LRP1B: variants seen among roughly 807,000 people sequenced by gnomAD.
LRP1B encodes the protein low-density lipoprotein receptor-related protein 1B.
LRP1B carries 217 observed loss-of-function variants against 556.6 expected under a neutral mutation model. The ratio of observed to expected loss-of-function variants is 0.39; its 90% CI spans 0.35 to 0.44. The LOEUF (loss-of-function observed/expected upper bound fraction) is 0.44. LRP1B is among the 20% of genes least tolerant of loss of function. The pLI, the probability that LRP1B is intolerant of heterozygous loss-of-function variation, is 1.00. For missense variants in LRP1B, 5,053 were observed against 5,620.8 expected (o/e 0.90, Z 3.23); for synonymous variants, 2,047 against 1,865.8 (o/e 1.10, Z -2.50).
chr2:141,762,952 A>G (rs1331799812), intron 2 of LRP1B, among the ~76,000 whole-genome samples: 2 of 152,228 alleles, frequency 1.3e-5, no homozygotes, highest in Non-Finnish European at 2.9e-5. Flanking sequence ...ATTAGCCCCA[A>G]ATTGCTATGA....
chr2:141,229,126 G>A (rs529036252), intron 6 of LRP1B, 57 bp downstream of exon 6: 26 of 1,559,584 alleles, frequency 1.7e-5, no homozygotes, highest in South Asian at 2.3e-5. Flanking sequence ...TCCAGCCTAC[G>A]GGTCTGTAAA....
At chr2:140,831,426 G>C (rs1050768861) in intron 31 of LRP1B, among the ~76,000 whole-genome samples, 2 of 152,068 alleles carry the variant, frequency 1.3e-5, no homozygotes, top group African/African-American at 4.8e-5. Context: ...TGGTAGAAAG[G>C]ACAATATCTT....
chr2:141,471,269 T>TGTTTTTTTTTTTG (rs58189454), intron 3 of LRP1B, among the ~76,000 whole-genome samples: 4 of 119,368 alleles, frequency 3.4e-5, no homozygotes, highest in African/African-American at 9.3e-5. Context: ...TACCCTGGTA[T>TGTTTTTTTTTTTG]TTTTTTTTTT....
intron 7 of LRP1B, among the ~76,000 whole-genome samples, chr2:141,139,178 T>C (rs1033326029): frequency 6.6e-6 from 1 of 151,806 alleles, no homozygotes; most frequent in Non-Finnish European, 1.5e-5. Flanking sequence ...CCTTATACCA[T>C]ACACAACAAT....
At chr2:141,702,178 T>C (rs926777694) in intron 2 of LRP1B, among the ~76,000 whole-genome samples, 2 of 151,898 alleles carry the variant, frequency 1.3e-5, no homozygotes, top group South Asian at 4.1e-4. Flanking sequence ...GAGGTAGGAA[T>C]GACCATGGTT....
At chr2:140,531,648 A>G (rs1189881123) in intron 47 of LRP1B, among the ~76,000 whole-genome samples, 1 of 151,924 alleles carries the variant, frequency 6.6e-6, no homozygotes. Flanking sequence ...CTTTACATCA[A>G]TCTTTTCTAA....
chr2:140,328,089 GTCT>G (rs1680591968), intron 79 of LRP1B, among the ~76,000 whole-genome samples: 1 of 151,862 alleles, frequency 6.6e-6, no homozygotes, highest in Non-Finnish European at 1.5e-5. Context: ...AAAATATCAT[GTCT>G]TCTTTTGCTC....
rs545096545 is a variant in LRP1B at position 140,908,331 on chromosome 2, C to A, written c.3320-254G>T. On this transcript the variant is annotated intron_variant, in intron 21 of 90. Coordinates refer to ENST00000389484, the MANE Select transcript of LRP1B (RefSeq NM_018557.3). ...CAAGTCATTGCTCTGCTCTCTCTCTCTCTATATATATATACATATATTTAT... is the reference window on the plus strand; with the variant it reads ...CAAGTCATTGCTCTGCTCTCTCTCTATCTATATATATATACATATATTTAT... Among the ~76,000 whole-genome samples the A allele has an allele frequency of 3.2e-3, 422 of 133,118 alleles. 4 individuals are homozygous for A. Among genetic ancestry groups the A allele is most frequent in the African/African-American group, 0.01 (381 of 37,080 alleles). 87.3% of individuals were successfully genotyped at this position (133,118 alleles called of 152,430 possible). A position where few individuals can be genotyped will look rare whatever the true frequency, so the allele number is the denominator to read the frequency against.
chr2:140,680,675 A>G (rs1685830738), intron 41 of LRP1B, among the ~76,000 whole-genome samples: 1 of 152,154 alleles, frequency 6.6e-6, no homozygotes, highest in Admixed American at 6.5e-5. Context: ...ATTCAAATCT[A>G]AGTCTCACTA....
chr2:141,725,188 C>G (rs185724566), intron 2 of LRP1B, among the ~76,000 whole-genome samples: 24 of 152,018 alleles, frequency 1.6e-4, no homozygotes, highest in Admixed American at 6.6e-5. Flanking sequence ...TGAGTTGAGA[C>G]TGCTCATCAA....
At chr2:141,814,760 G>A (rs1696474563) in intron 1 of LRP1B, among the ~76,000 whole-genome samples, 1 of 152,142 alleles carries the variant, frequency 6.6e-6, no homozygotes, top group African/African-American at 2.4e-5. Context: ...AGGAGACTGG[G>A]TAAAACTGGA....
intron 2 of LRP1B, among the ~76,000 whole-genome samples, chr2:141,510,171 C>T (rs1226059684): frequency 6.9e-6 from 1 of 144,662 alleles, no homozygotes; most frequent in Non-Finnish European, 1.5e-5. Context: ...AAACATAGTC[C>T]TAGGTTATGA....
intron 42 of LRP1B, among the ~76,000 whole-genome samples, chr2:140,600,954 A>G (rs1287386199): frequency 6.6e-6 from 1 of 151,474 alleles, no homozygotes; most frequent in Non-Finnish European, 1.5e-5. Context: ...GCTGTAGACT[A>G]CTTAGACTAT....
chr2:141,561,818 A>C (rs1217144884), intron 2 of LRP1B, among the ~76,000 whole-genome samples: 2 of 150,804 alleles, frequency 1.3e-5, no homozygotes, highest in Non-Finnish European at 3.0e-5. Context: ...ATTTTAGGCA[A>C]AAAAATAAGT....
chr2:141,882,389 T>A (rs1331660838), intron 1 of LRP1B, among the ~76,000 whole-genome samples: 1 of 152,142 alleles, frequency 6.6e-6, no homozygotes, highest in Non-Finnish European at 1.5e-5. Context: ...TAATATGGGG[T>A]CCCTGTGAAC....
chr2:141,974,489 A>T (rs965238066), intron 1 of LRP1B, among the ~76,000 whole-genome samples: 2 of 152,020 alleles, frequency 1.3e-5, no homozygotes, highest in African/African-American at 4.8e-5. Context: ...GTTTGTCACC[A>T]GTTAAACAGT....
Position 140,364,657 on chromosome 2 carries a change from A to G in LRP1B, c.11131+4T>C. ...ATAATCTAGAGCCACGTGAAATGCCATACCACACATATCAGGGGCTTCATC... is the reference window on the plus strand; with the variant it reads ...ATAATCTAGAGCCACGTGAAATGCCGTACCACACATATCAGGGGCTTCATC... On this transcript the variant is annotated splice_donor_region_variant and intron_variant, in intron 72 of 90. Coordinates refer to ENST00000389484, the MANE Select transcript of LRP1B (RefSeq NM_018557.3). The G allele has an allele frequency of 1.2e-6, 2 of 1,609,214 alleles. No individual in the cohort carries two copies. The highest frequency in any genetic ancestry group is 1.7e-6 in the Non-Finnish European group (2 of 1,177,050).
At chr2:141,714,731 C>A (rs1316228648) in intron 2 of LRP1B, among the ~76,000 whole-genome samples, 1 of 152,080 alleles carries the variant, frequency 6.6e-6, no homozygotes, top group Non-Finnish European at 1.5e-5. Context: ...CTTAAGACAA[C>A]TTTCAGACAG....
At chr2:140,935,669 C>T (rs1695181951) in intron 20 of LRP1B, among the ~76,000 whole-genome samples, 1 of 150,348 alleles carries the variant, frequency 6.7e-6, no homozygotes, top group Non-Finnish European at 1.5e-5. Flanking sequence ...GCTCAACCAT[C>T]CCCAAGTGGG....
Sources: allele counts gnomAD v4.1 joint callset (sites outside exome capture counted in the v4.1 genomes callset), GRCh38; gene constraint gnomAD v4.1.1; transcripts MANE v1.5; gene names NCBI Gene and HGNC (gene_info 2026-07-23, HGNC 2026-07-21).